ZPBP2: variants seen among roughly 807,000 people sequenced by gnomAD.
ZPBP2 encodes zona pellucida-binding protein 2.
ZPBP2 carries 34 observed loss-of-function variants against 37.5 expected under a neutral mutation model. The ratio of observed to expected loss-of-function variants is 0.91; its 90% CI spans 0.69 to 1.21. ZPBP2 has a LOEUF of 1.21. ZPBP2 is among the 50% of genes most tolerant of loss of function. The probability of loss-of-function intolerance (pLI) is 0.00; values close to 1 mark genes in which losing one functional copy is unlikely to be tolerated. For missense variants in ZPBP2, 397 were observed against 413.5 expected (o/e 0.96, Z 0.35); for synonymous variants, 143 against 138.4 (o/e 1.03, Z -0.23).
intron 2 of ZPBP2, among the ~76,000 whole-genome samples, chr17:39,869,188 A>G (rs1440730165): frequency 6.6e-6 from 1 of 152,162 alleles, no homozygotes; most frequent in Non-Finnish European, 1.5e-5. Flanking sequence ...GGCATTCAGT[A>G]GGCTTTAAAA....
rs777083745 is a variant in ZPBP2 at position 39,876,709 on chromosome 17, C to T, written c.917C>T (p.Pro306Leu). The change falls in exon 8 of 8, where the codon CCT becomes CTT. Residue 306 changes from proline to leucine, a missense_variant. Transcript: ENST00000348931. ...CVVCSPATFS[P>L]DVNVTCQTCV... ...GTTTGTAGTCCTGCGACTTTTAGTC[C>T]TGATGTTAATGTAACTTGTCAGACC... The T allele has an allele frequency of 9.3e-6, 15 of 1,613,692 alleles. No individual in the cohort carries two copies. The East Asian group carries it at 3.3e-4, about 36-fold the overall frequency.
intron 3 of ZPBP2, 28 bp downstream of exon 3, chr17:39,870,847 T>C: frequency 6.9e-7 from 1 of 1,457,702 alleles, no homozygotes; most frequent in Non-Finnish European, 9.2e-7. Flanking sequence ...ATGTACTTTT[T>C]TAATGATGTG....
chr17:39,869,370 CATCT>C (rs954939084), intron 2 of ZPBP2, among the ~76,000 whole-genome samples: 4 of 145,420 alleles, frequency 2.8e-5, no homozygotes, highest in South Asian at 2.2e-4. Context: ...TGATCATGAT[CATCT>C]ATCTTTCTTT....
Position 39,877,797 on chromosome 17 carries a change from A to T in ZPBP2, c.*988A>T, listed in dbSNP as rs1287793529. The T allele has an allele frequency of 6.6e-6, 1 of 152,148 alleles. No individual in the cohort carries two copies. The highest frequency in any genetic ancestry group is 1.5e-5 in the Non-Finnish European group (1 of 68,006). The allele number at this position is 152,148 out of a possible 1,614,324, so 9.4% of individuals were successfully genotyped here. A position where few individuals can be genotyped will look rare whatever the true frequency, so the allele number is the denominator to read the frequency against. Reference sequence around the variant, plus strand: ...CATTTTTTATTGCTGAATAATGTTCATTGTATGGATATAGCATAGTATGTT... The same window carrying T: ...CATTTTTTATTGCTGAATAATGTTCTTTGTATGGATATAGCATAGTATGTT... On this transcript the variant is annotated 3_prime_UTR_variant, in exon 8 of 8. Coordinates refer to ENST00000348931, the MANE Select transcript of ZPBP2 (RefSeq NM_199321.3).
intron 2 of ZPBP2, among the ~76,000 whole-genome samples, chr17:39,869,782 G>A (rs34120102): frequency 0.35 from 50,606 of 142,958 alleles, 10,424 homozygotes; most frequent in Non-Finnish European, 0.45. Context: ...GTGTGATCTC[G>A]GGTCGCTGCA....
At position 39,873,970 on chromosome 17, in the gene ZPBP2, TAAAGA is replaced by T. The variant is rs1399723438; in HGVS notation, c.708+849_708+853del. Among the ~76,000 whole-genome samples, 3 of 151,134 alleles carry T rather than the reference TAAAGA, an allele frequency of 2.0e-5. 1 individual carries two copies. Among genetic ancestry groups the T allele is most frequent in the South Asian group, 4.2e-4 (2 of 4,802 alleles). On this transcript the variant is annotated intron_variant, in intron 6 of 7. Coordinates refer to ENST00000348931, the MANE Select transcript of ZPBP2 (RefSeq NM_199321.3). ...TACATCATCGGTTTATAATGCTGAT[TAAAGA>T]AAAGTCTTTTTTTTTTTTTTTTTTT...
chr17:39,868,556 C>T lies in ZPBP2; in HGVS notation c.60C>T (p.Cys20=), dbSNP rs978791075. The change falls in exon 2 of 8, where the codon TGC becomes TGT. Residue 20 remains cysteine (C), a synonymous_variant. Coordinates refer to ENST00000348931, the MANE Select transcript of ZPBP2 (RefSeq NM_199321.3). ...GTTTTATTTCCTCCGCAGTCCAATG[C>T]CCGCGTTTTACCTTATTCAATAAGA... ...AVLWCLTGVQ[C]PRFTLFNKKG... The T allele has an allele frequency of 3.1e-6, 5 of 1,614,140 alleles. No homozygotes were observed. The highest frequency in any genetic ancestry group is 3.4e-6 in the Non-Finnish European group (4 of 1,180,012).
chr17:39,873,930 CA>C (rs1171516014), intron 6 of ZPBP2, among the ~76,000 whole-genome samples: 2 of 148,396 alleles, frequency 1.3e-5, no homozygotes, highest in East Asian at 2.0e-4. Flanking sequence ...ATTCTGTGCT[CA>C]AAAACCCAAA....
At chr17:39,874,931 A>G (rs2144645605) in intron 6 of ZPBP2, among the ~76,000 whole-genome samples, 1 of 151,634 alleles carries the variant, frequency 6.6e-6, no homozygotes, top group Middle Eastern at 3.4e-3. Context: ...TTGTATTTTT[A>G]ATAGAGATGG....
chr17:39,876,441 G>A (rs899065778), intron 7 of ZPBP2, among the ~76,000 whole-genome samples: 1 of 152,058 alleles, frequency 6.6e-6, no homozygotes, highest in South Asian at 2.1e-4. Flanking sequence ...GTAAAATGCT[G>A]ATAGTAAAAG....
chr17:39,876,940 AC>A lies in ZPBP2; in HGVS notation c.*132del. 1 of 1,157,446 alleles carries A rather than the reference AC, an allele frequency of 8.6e-7. No individual in the cohort carries two copies. The highest frequency in any genetic ancestry group is 1.6e-5 in the African/African-American group (1 of 64,238). 71.7% of individuals were successfully genotyped at this position (1,157,446 alleles called of 1,614,324 possible). On this transcript the variant is annotated 3_prime_UTR_variant, in exon 8 of 8. Coordinates refer to ENST00000348931, the MANE Select transcript of ZPBP2 (RefSeq NM_199321.3). ...CCACTGGAAAACATGCATTTTGGAA[AC>A]TTTAAAATAAATGGTTAACATGGCA...
chr17:39,869,103 T>C (rs1310420593), intron 2 of ZPBP2, among the ~76,000 whole-genome samples: 1 of 152,234 alleles, frequency 6.6e-6, no homozygotes, highest in Non-Finnish European at 1.5e-5. Flanking sequence ...GAATTTGTCA[T>C]GTTTAGACTC....
At position 39,875,327 on chromosome 17, in the gene ZPBP2, C is replaced by A; in HGVS notation, c.782C>A (p.Pro261Gln). Residue 261 changes from proline to glutamine, a missense_variant, in exon 7 of 8, where the codon CCA becomes CAA. Transcript: ENST00000348931. ...IFYHNFNKTL[P>Q]AMHFVDHSLQ... ...TACCATAACTTTAATAAAACTCTACCAGCAATGCATTTTGTGGACCACAGT... is the reference window on the plus strand; with the variant it reads ...TACCATAACTTTAATAAAACTCTACAAGCAATGCATTTTGTGGACCACAGT... 6.2e-7 allele frequency: 1 copy of A among 1,613,946 alleles called. No homozygotes were observed.
In ZPBP2 at chr17:39,876,854, A is replaced by G; in HGVS notation, c.*45A>G. On this transcript the variant is annotated 3_prime_UTR_variant, in exon 8 of 8. Transcript: ENST00000348931. The stretch of plus-strand genomic sequence containing the variant: ...TACTTGTGGAAGTCGGGGACATAAG[A>G]TGATTTTCACATCCCAGAGCATCAT... The G allele has an allele frequency of 6.2e-7, 1 of 1,608,726 alleles. No homozygotes were observed. Among genetic ancestry groups the G allele is most frequent in the Non-Finnish European group, 8.5e-7 (1 of 1,176,808 alleles).
intron 4 of ZPBP2, among the ~76,000 whole-genome samples, chr17:39,871,866 T>C (rs1276840181): frequency 6.6e-6 from 1 of 152,186 alleles, no homozygotes; most frequent in East Asian, 1.9e-4. Context: ...GCATCTACTT[T>C]ATCACAATTT....
In ZPBP2 at chr17:39,868,601, G is replaced by A; in HGVS notation, c.105G>A (p.Lys35=). The A allele has an allele frequency of 6.2e-7, 1 of 1,614,168 alleles. No individual in the cohort carries two copies. The highest frequency in any genetic ancestry group is 1.3e-5 in the African/African-American group (1 of 75,038). The change falls in exon 2 of 8, where the codon AAG becomes AAA. Residue 35 remains lysine (K), a synonymous_variant. Transcript: ENST00000348931. ...ATAAGAAGGGCTTCATTTATGGCAA[G>A]ACAGGACAGCCAGGTAATAAGGGCC... ...LFNKKGFIYG[K]TGQPDKIYVE...
Position 39,872,480 on chromosome 17 carries a change from C to G in ZPBP2, c.617C>G (p.Ala206Gly). 1.9e-6 allele frequency: 3 copies of G among 1,586,260 alleles called. No individual in the cohort carries two copies. Among genetic ancestry groups the G allele is most frequent in the Non-Finnish European group, 2.6e-6 (3 of 1,170,334 alleles). The change falls in exon 5 of 8, where the codon GCA (alanine) becomes GGA (glycine). Residue 206 changes from alanine (A) to glycine (G), a missense_variant. Physicochemically the swap from Ala to Gly is moderately conservative, Grantham distance 60. Transcript: ENST00000348931. ...GGCCTCATACATGAGCTATTTATAG[C>G]ATTTCAAGGTAAAATTTTTAAAATT... ...EHGLIHELFI[A>G]FQVNPFAPGW...
intron 4 of ZPBP2, among the ~76,000 whole-genome samples, chr17:39,872,062 G>A (rs1294244209): frequency 2.6e-5 from 4 of 152,096 alleles, no homozygotes; most frequent in Non-Finnish European, 4.4e-5. Flanking sequence ...GTACCAAGTA[G>A]ATAATGTATC....
Position 39,868,905 on chromosome 17 carries a change from G to A in ZPBP2, c.118+291G>A, listed in dbSNP as rs571482458. ...GTGTCTCTGCTGCTTTGCAACGCGG[G>A]AAACCCACGCAAAGGAGTGATTTCC... On this transcript the variant is annotated intron_variant, in intron 2 of 7. Coordinates refer to ENST00000348931, the MANE Select transcript of ZPBP2 (RefSeq NM_199321.3). 2.0e-5 allele frequency among the ~76,000 whole-genome samples: 3 copies of A among 152,264 alleles called. No homozygotes were observed. The South Asian group carries it at 6.2e-4, about 32-fold the overall frequency.
Sources: gnomAD v4.1 joint callset for allele counts (sites outside exome capture counted in the v4.1 genomes callset) on GRCh38, gnomAD v4.1.1 for gene constraint, MANE v1.5 for transcripts, NCBI Gene and HGNC (gene_info 2026-07-23, HGNC 2026-07-21) for gene names.